NAV2: variants seen among roughly 807,000 people sequenced by gnomAD.
NAV2 encodes the protein neuron navigator 2.
NAV2 carries 54 observed loss-of-function variants against 223.2 expected under a neutral mutation model. That is an observed-to-expected ratio of 0.24 (90% CI 0.19 to 0.30). The LOEUF (loss-of-function observed/expected upper bound fraction) is 0.30, where lower values mean the gene tolerates loss of function less well. Ranked by LOEUF, NAV2 falls within the 10% of genes least tolerant of loss-of-function variation. The probability of loss-of-function intolerance (pLI) is 1.00; values close to 1 mark genes in which losing one functional copy is unlikely to be tolerated. For missense variants in NAV2, 2,806 were observed against 3,147.5 expected (o/e 0.89, Z 2.60); for synonymous variants, 1,279 against 1,239.3 (o/e 1.03, Z -0.67).
In NAV2 at chr11:20,036,115, TC is replaced by T; in HGVS notation, c.2907+21del. The T allele has an allele frequency of 6.2e-7, 1 of 1,614,056 alleles. No homozygotes were observed. The highest frequency in any genetic ancestry group is 8.5e-7 in the Non-Finnish European group (1 of 1,179,984). On this transcript the variant is annotated intron_variant, in intron 12 of 37. Transcript: ENST00000349880. Reference sequence around the variant, plus strand: ...ATGTGCAGGTGAGGAACACAGGCCCTCCCAGGCTCCTCCAGCAGCCTCTGGC... The same window carrying T: ...ATGTGCAGGTGAGGAACACAGGCCCTCCAGGCTCCTCCAGCAGCCTCTGGC...
intron 1 of NAV2, among the ~76,000 whole-genome samples, chr11:19,489,112 A>T (rs2042539540): frequency 6.6e-6 from 1 of 152,222 alleles, no homozygotes; most frequent in Admixed American, 6.5e-5. Context: ...AGAAAGAAGT[A>T]TCCAGAAGGT....
chr11:20,103,143 T>TG, intron 32 of NAV2, 112 bp from the exon 33 acceptor site: 1 of 1,020,952 alleles, frequency 9.8e-7, no homozygotes, highest in Non-Finnish European at 1.4e-6. Context: ...CGCAGAATCA[T>TG]GAAGGGCCTT....
At chr11:20,042,727 C>A (rs1164900855) in intron 12 of NAV2, among the ~76,000 whole-genome samples, 1 of 152,010 alleles carries the variant, frequency 6.6e-6, no homozygotes, top group Admixed American at 6.6e-5. Flanking sequence ...ATTTTAATTT[C>A]CTATCTTGCC....
At chr11:19,661,864 T>C (rs910486759) in intron 1 of NAV2, among the ~76,000 whole-genome samples, 1 of 152,216 alleles carries the variant, frequency 6.6e-6, no homozygotes, top group Non-Finnish European at 1.5e-5. Context: ...AGAAGACTAA[T>C]TGCTACTCAA....
chr11:19,736,239 A>T (rs1991194), intron 1 of NAV2, among the ~76,000 whole-genome samples: 150,459 of 152,272 alleles, frequency 0.99, 74,351 homozygotes, highest in Middle Eastern at 1. Flanking sequence ...TGAAAGTAGT[A>T]TGTGAGGCTG....
intron 1 of NAV2, among the ~76,000 whole-genome samples, chr11:19,468,588 A>T (rs11025145): frequency 0.31 from 47,825 of 152,092 alleles, 8,038 homozygotes; most frequent in South Asian, 0.39. Flanking sequence ...ATGTGACCTC[A>T]TCTTAACTAA....
chr11:19,785,950 A>G (rs988503936), intron 1 of NAV2, among the ~76,000 whole-genome samples: 1 of 152,210 alleles, frequency 6.6e-6, no homozygotes, highest in African/African-American at 2.4e-5. Context: ...CAAGGTGCTT[A>G]TCACTCAGTA....
chr11:19,735,269 G>A (rs549780318), intron 1 of NAV2, among the ~76,000 whole-genome samples: 58 of 152,324 alleles, frequency 3.8e-4, no homozygotes, highest in African/African-American at 1.4e-3. Flanking sequence ...ATGGCAGTGA[G>A]CTTAGCACGG....
intron 1 of NAV2, among the ~76,000 whole-genome samples, chr11:19,374,141 C>T (rs115812760): frequency 0.017 from 2,539 of 152,198 alleles, 74 homozygotes; most frequent in African/African-American, 0.057. Context: ...CTTGTTTTCT[C>T]TTTCTCGAAA....
chr11:19,716,813 A>G (rs1006227256), intron 1 of NAV2, among the ~76,000 whole-genome samples: 1 of 152,250 alleles, frequency 6.6e-6, no homozygotes, highest in Non-Finnish European at 1.5e-5. Flanking sequence ...AAATCCTTAT[A>G]TATCACTTTC....
intron 1 of NAV2, among the ~76,000 whole-genome samples, chr11:19,599,180 C>T (rs978927842): frequency 1.3e-5 from 2 of 152,180 alleles, no homozygotes; most frequent in Non-Finnish European, 2.9e-5. Context: ...TTCCTCATGC[C>T]CAACTTGTCA....
intron 1 of NAV2, among the ~76,000 whole-genome samples, chr11:19,428,028 C>T (rs2702640): frequency 0.012 from 1,824 of 151,998 alleles, 36 homozygotes; most frequent in African/African-American, 0.042. Flanking sequence ...TTAGAACTTC[C>T]GGATTCTGGG....
intron 1 of NAV2, among the ~76,000 whole-genome samples, chr11:19,564,469 G>C (rs1310545782): frequency 3.3e-5 from 5 of 152,196 alleles, no homozygotes; most frequent in Non-Finnish European, 5.9e-5. Flanking sequence ...CCACCCAGTC[G>C]GGCTCTGGCA....
At chr11:19,766,802 C>T (rs1035810082) in intron 1 of NAV2, among the ~76,000 whole-genome samples, 3 of 152,162 alleles carry the variant, frequency 2.0e-5, no homozygotes, top group Non-Finnish European at 2.9e-5. Flanking sequence ...CCTCCTTCTC[C>T]CACCCTGATT....
intron 1 of NAV2, among the ~76,000 whole-genome samples, chr11:19,580,960 C>T (rs1054346129): frequency 1.3e-5 from 2 of 152,160 alleles, no homozygotes; most frequent in African/African-American, 2.4e-5. Flanking sequence ...TCTTATTTTT[C>T]CTAAGCTGAT....
chr11:19,814,187 G>A lies in NAV2; in HGVS notation c.268-18297G>A, dbSNP rs916963318. ...AGCTGAGGAAGCTGAAATTGGGAAGGTCCTGGATGTCAACAGGTGTGGCAG... is the reference window on the plus strand; with the variant it reads ...AGCTGAGGAAGCTGAAATTGGGAAGATCCTGGATGTCAACAGGTGTGGCAG... On this transcript the variant is annotated intron_variant, in intron 1 of 37. Coordinates refer to ENST00000349880, the MANE Select transcript of NAV2 (RefSeq NM_145117.5). Among the ~76,000 whole-genome samples the A allele has an allele frequency of 6.6e-5, 10 of 152,306 alleles. No individual in the cohort carries two copies. The East Asian group carries it at 1.9e-3, about 29-fold the overall frequency.
At chr11:19,355,292 T>C (rs1853558989) in intron 1 of NAV2, among the ~76,000 whole-genome samples, 1 of 150,846 alleles carries the variant, frequency 6.6e-6, no homozygotes, top group African/African-American at 2.4e-5. Context: ...GATTGAGTAG[T>C]GACAAAGATG....
chr11:19,451,199 C>T (rs1165007607), intron 1 of NAV2, among the ~76,000 whole-genome samples: 1 of 152,140 alleles, frequency 6.6e-6, no homozygotes, highest in Non-Finnish European at 1.5e-5. Flanking sequence ...ATCCCTCCAT[C>T]TCCCCGTTGT....
chr11:19,648,343 G>T (rs2047874501), intron 1 of NAV2, among the ~76,000 whole-genome samples: 1 of 152,164 alleles, frequency 6.6e-6, no homozygotes, highest in Non-Finnish European at 1.5e-5. Context: ...GTGGTGCCAT[G>T]GCAGTAACTT....
Sources: allele counts gnomAD v4.1 joint callset (sites outside exome capture counted in the v4.1 genomes callset), GRCh38; gene constraint gnomAD v4.1.1; transcripts MANE v1.5; gene names NCBI Gene and HGNC (gene_info 2026-07-23, HGNC 2026-07-21).